Variants in SLC47A2 observed in about 807,000 individuals in gnomAD.
SLC47A2 encodes the protein multidrug and toxin extrusion protein 2.
A neutral mutation model predicts 67.7 loss-of-function variants in SLC47A2; 52 were observed. That is an observed-to-expected ratio of 0.77 (90% CI 0.61 to 0.97). The LOEUF (loss-of-function observed/expected upper bound fraction) is 0.97. Among genes scored for constraint, SLC47A2 ranks in the 50% least tolerant of loss-of-function variants. SLC47A2 has a pLI of 0.00. For missense variants in SLC47A2, 676 were observed against 712.3 expected (o/e 0.95, Z 0.58); for synonymous variants, 278 against 292.9 (o/e 0.95, Z 0.52).
At chr17:19,680,372 C>A (rs1379647018) in intron 15 of SLC47A2, among the ~76,000 whole-genome samples, 3 of 152,086 alleles carry the variant, frequency 2.0e-5, no homozygotes, top group Non-Finnish European at 4.4e-5. Flanking sequence ...CCCAGCTACT[C>A]AGGAGGCTGA....
intron 11 of SLC47A2, 88 bp from the exon 12 acceptor site, chr17:19,703,255 G>A (rs1211849060): frequency 1.6e-6 from 2 of 1,242,836 alleles, no homozygotes; most frequent in Middle Eastern, 1.9e-4. Context: ...CCCTATGTCA[G>A]TGCAAGTCAG....
At chr17:19,703,564 C>T (rs1345972082) in intron 11 of SLC47A2, among the ~76,000 whole-genome samples, 1 of 152,270 alleles carries the variant, frequency 6.6e-6, no homozygotes, top group Non-Finnish European at 1.5e-5. Context: ...CTAAGAACCA[C>T]TGCTTTCTAC....
At chr17:19,717,726 G>C (rs2086296202), upstream of SLC47A2, 1 of 151,106 alleles carries the variant, frequency 6.6e-6, no homozygotes, top group Non-Finnish European at 1.5e-5. Context: ...AAAAAAAAAA[G>C]GGTTTGCTAC....
chr17:19,713,900 C>A lies in SLC47A2; in HGVS notation c.368G>T (p.Cys123Phe). 1.2e-6 allele frequency: 2 copies of A among 1,613,800 alleles called. No homozygotes were observed. The highest frequency in any genetic ancestry group is 1.7e-6 in the Non-Finnish European group (2 of 1,179,914). The change falls in exon 4 of 17, where the codon TGC becomes TTC. Residue 123 changes from cysteine (C) to phenylalanine (F), a missense_variant. Physicochemically the swap from Cys to Phe is radical, Grantham distance 205. Transcript: ENST00000433844. Reference sequence around the variant, plus strand: ...GAGGAAGAGCGCCCAGCAAGGGAGGCAGCAGAGGAGCAGGACCAGCGCGCC... The same window carrying A: ...GAGGAAGAGCGCCCAGCAAGGGAGGAAGCAGAGGAGCAGGACCAGCGCGCC... ...QRGALVLLLC[C>F]LPCWALFLNT... is the part of the protein sequence containing the mutation.
At chr17:19,687,582 A>AT (rs2152341443) in intron 13 of SLC47A2, among the ~76,000 whole-genome samples, 1 of 152,234 alleles carries the variant, frequency 6.6e-6, no homozygotes, top group African/African-American at 2.4e-5. Flanking sequence ...TTTTGAAAAA[A>AT]TAAACAAAAT....
At chr17:19,700,251 T>C (rs2085753700) in intron 13 of SLC47A2, among the ~76,000 whole-genome samples, 1 of 152,242 alleles carries the variant, frequency 6.6e-6, no homozygotes, top group Admixed American at 6.5e-5. Context: ...CATATGTAAA[T>C]TATAACTCAC....
chr17:19,704,213 C>A, intron 10 of SLC47A2, 35 bp from the exon 11 acceptor site: 1 of 1,555,934 alleles, frequency 6.4e-7, no homozygotes, highest in South Asian at 1.2e-5. Flanking sequence ...TGTCAGTGGG[C>A]CCACCCTCCA....
chr17:19,703,227 G>T, intron 11 of SLC47A2, 60 bp from the exon 12 acceptor site: 1 of 1,507,194 alleles, frequency 6.6e-7, no homozygotes, highest in South Asian at 1.1e-5. Flanking sequence ...CCCTTGCTCA[G>T]ATCAGCAAAG....
chr17:19,690,856 C>T (rs1338152398), intron 13 of SLC47A2, among the ~76,000 whole-genome samples: 2 of 151,820 alleles, frequency 1.3e-5, no homozygotes, highest in Admixed American at 6.6e-5. Flanking sequence ...CGGTGGCTCA[C>T]GGCCTGTAAT....
At chr17:19,712,866 G>C (rs1179581355) in intron 4 of SLC47A2, 121 bp from the exon 5 acceptor site, 2 of 916,190 alleles carry the variant, frequency 2.2e-6, no homozygotes, top group African/African-American at 3.3e-5. Flanking sequence ...AGCCAGGACT[G>C]TGAAACCTCA....
At chr17:19,703,065 A>G (rs2085829294) in intron 12 of SLC47A2, 27 bp downstream of exon 12, 13 of 1,604,810 alleles carry the variant, frequency 8.1e-6, no homozygotes, top group Non-Finnish European at 1.1e-5. Context: ...ATTTTCCAAG[A>G]GTCAGCACAG....
At chr17:19,682,509 T>C (rs1169198946) in intron 13 of SLC47A2, among the ~76,000 whole-genome samples, 1 of 152,202 alleles carries the variant, frequency 6.6e-6, no homozygotes, top group Non-Finnish European at 1.5e-5. Flanking sequence ...CCTTCTGTAT[T>C]CATTGGCTGG....
At chr17:19,682,089 G>A (rs1289987726) in intron 13 of SLC47A2, among the ~76,000 whole-genome samples, 1 of 152,118 alleles carries the variant, frequency 6.6e-6, no homozygotes, top group Admixed American at 6.6e-5. Context: ...ATTTGGGCCG[G>A]GCATGGTGGC....
chr17:19,718,771 G>T (rs1042006814), upstream of SLC47A2: 6 of 152,458 alleles, frequency 3.9e-5, no homozygotes, highest in African/African-American at 1.2e-4. Flanking sequence ...GCAGAGTGGG[G>T]GGTGGGGGGA....
intron 13 of SLC47A2, among the ~76,000 whole-genome samples, chr17:19,682,757 C>T (rs1344220583): frequency 1.3e-5 from 2 of 152,232 alleles, no homozygotes; most frequent in Non-Finnish European, 2.9e-5. Context: ...GCCTACCATG[C>T]ATGGCAAACA....
intron 15 of SLC47A2, 150 bp from the exon 16 acceptor site, chr17:19,680,189 A>C (rs2085283053): frequency 1.3e-6 from 1 of 769,272 alleles, no homozygotes; most frequent in South Asian, 2.0e-5. Context: ...AGAAAGTATC[A>C]TTTTAAGGCT....
At chr17:19,692,415 A>G (rs1466723644) in intron 13 of SLC47A2, 1 of 351,100 alleles carries the variant, frequency 2.8e-6, no homozygotes, top group South Asian at 2.1e-5. Flanking sequence ...GAGCAACTTC[A>G]TGCAAAGGAA....
At chr17:19,698,277 AT>A (rs2085709563) in intron 13 of SLC47A2, among the ~76,000 whole-genome samples, 1 of 152,170 alleles carries the variant, frequency 6.6e-6, no homozygotes, top group African/African-American at 2.4e-5. Flanking sequence ...GTCAACCCTA[AT>A]GTCTATTAAA....
At position 19,706,598 on chromosome 17, in the gene SLC47A2, C is replaced by A. The variant is rs577605887; in HGVS notation, c.841+50G>T. ...CCATCCTGGGGAGGGGGCTTCTGGG[C>A]TGGGTGAGCCGCCCACACGCCATTG... On this transcript the variant is annotated intron_variant, in intron 9 of 16. Transcript: ENST00000433844. 1.3e-5 allele frequency: 19 copies of A among 1,469,760 alleles called. No individual in the cohort carries two copies. In the Admixed American group the frequency reaches 2.6e-4, roughly 20 times the overall value. The allele number at this position is 1,469,760 out of a possible 1,614,324, so 91.0% of individuals were successfully genotyped here.
Sources: gnomAD v4.1 joint callset for allele counts (sites outside exome capture counted in the v4.1 genomes callset) on GRCh38, gnomAD v4.1.1 for gene constraint, MANE v1.5 for transcripts, NCBI Gene and HGNC (gene_info 2026-07-23, HGNC 2026-07-21) for gene names.